Variants in MIER2 observed in about 807,000 individuals in gnomAD.
MIER2 encodes the protein mesoderm induction early response protein 2.
In MIER2, 30 loss-of-function variants were observed where a neutral mutation model predicts 67.6. The ratio of observed to expected loss-of-function variants is 0.44; its 90% CI spans 0.33 to 0.60. The LOEUF is 0.60. Ranked by LOEUF, MIER2 falls within the 20% of genes least tolerant of loss-of-function variation. The pLI is 0.02. For missense variants in MIER2, 702 were observed against 745.1 expected (o/e 0.94, Z 0.67); for synonymous variants, 372 against 312.6 (o/e 1.19, Z -2.00).
chr19:326,584 C>T lies in MIER2; in HGVS notation c.508G>A (p.Asp170Asn), dbSNP rs370003436. ...PNRSGSRFLA[D>N]EDREPGSSAS... ...GAAGAGCCAGGCTCTCTGTCTTCATCAGCCAGGAAACGAGCTTTGGGAAAA... is the reference window on the plus strand; with the variant it reads ...GAAGAGCCAGGCTCTCTGTCTTCATTAGCCAGGAAACGAGCTTTGGGAAAA... Residue 170 changes from aspartate (D) to asparagine (N), a missense_variant, in exon 6 of 14, where the codon GAT (aspartate) becomes AAT (asparagine). Transcript: ENST00000264819. 5 of 1,613,966 alleles carry T rather than the reference C, an allele frequency of 3.1e-6. No homozygotes were observed. The highest frequency in any genetic ancestry group is 2.7e-5 in the African/African-American group (2 of 74,914).
chr19:320,623 C>T (rs1407566051), intron 7 of MIER2, among the ~76,000 whole-genome samples: 1 of 152,106 alleles, frequency 6.6e-6, no homozygotes, highest in African/African-American at 2.4e-5. Flanking sequence ...CTCATAGGAG[C>T]GCAAATCCCA....
chr19:321,967 C>G (rs574206931), intron 7 of MIER2, among the ~76,000 whole-genome samples: 2 of 151,946 alleles, frequency 1.3e-5, no homozygotes, highest in Non-Finnish European at 2.9e-5. Flanking sequence ...TGCAGTGGCG[C>G]GATCTCGGCT....
chr19:321,527 C>T (rs931252418), intron 7 of MIER2, among the ~76,000 whole-genome samples: 1 of 152,132 alleles, frequency 6.6e-6, no homozygotes, highest in East Asian at 1.9e-4. Context: ...TGCCTGTACT[C>T]CCAGTTACTT....
At position 327,175 on chromosome 19, in the gene MIER2, T is replaced by C. The variant is rs769684157; in HGVS notation, c.451A>G (p.Thr151Ala). 2 of 1,589,570 alleles carry C rather than the reference T, an allele frequency of 1.3e-6. No homozygotes were observed. The highest frequency in any genetic ancestry group is 1.2e-5 in the South Asian group (1 of 86,798). The change falls in exon 5 of 14, where the codon ACC becomes GCC. Residue 151 changes from threonine to alanine, a missense_variant. Coordinates refer to ENST00000264819, the MANE Select transcript of MIER2 (RefSeq NM_017550.3). ...SSADDLTPSV[T>A]SHEASDLFPN... ...AAGAGGTCGGAGGCCTCGTGGGAGGTCACGGACGGGGTGAGGTCGTCAGCA... is the reference window on the plus strand; with the variant it reads ...AAGAGGTCGGAGGCCTCGTGGGAGGCCACGGACGGGGTGAGGTCGTCAGCA...
chr19:335,525 A>G (rs1972203984), intron 2 of MIER2, among the ~76,000 whole-genome samples: 1 of 152,148 alleles, frequency 6.6e-6, no homozygotes, highest in Non-Finnish European at 1.5e-5. Context: ...CTAGTTTGAT[A>G]CGGAAAGAGA....
At chr19:340,070 G>A (rs773024158) in intron 1 of MIER2, among the ~76,000 whole-genome samples, 5 of 152,098 alleles carry the variant, frequency 3.3e-5, no homozygotes, top group Non-Finnish European at 7.3e-5. Context: ...ACTTCTTCAC[G>A]GGTCCTCAAG....
intron 3 of MIER2, among the ~76,000 whole-genome samples, chr19:328,242 T>A (rs1355522772): frequency 6.6e-6 from 1 of 152,048 alleles, no homozygotes; most frequent in East Asian, 1.9e-4. Context: ...CTGCCCACAA[T>A]GCCTCCTTGC....
chr19:338,050 T>C (rs1247470549), intron 1 of MIER2, among the ~76,000 whole-genome samples: 2 of 149,408 alleles, frequency 1.3e-5, no homozygotes, highest in African/African-American at 2.5e-5. Flanking sequence ...CGGGCACCTG[T>C]AGTCCCAGTT....
chr19:311,312 G>C (rs767949367), intron 10 of MIER2, among the ~76,000 whole-genome samples: 30 of 152,262 alleles, frequency 2.0e-4, no homozygotes, highest in Non-Finnish European at 4.1e-4. Flanking sequence ...CCACAGGGCA[G>C]AGGGCACTGC....
At chr19:339,401 C>T (rs957662955) in intron 1 of MIER2, among the ~76,000 whole-genome samples, 2 of 152,146 alleles carry the variant, frequency 1.3e-5, no homozygotes, top group Non-Finnish European at 2.9e-5. Flanking sequence ...CACTACGATA[C>T]CACTTCCTAA....
intron 2 of MIER2, 91 bp downstream of exon 2, chr19:335,992 C>A (rs961528275): frequency 7.7e-7 from 1 of 1,296,680 alleles, no homozygotes; most frequent in Non-Finnish European, 1.1e-6. Context: ...GTGTGCCGGT[C>A]CACAGCTCAG....
intron 5 of MIER2, 33 bp downstream of exon 5, chr19:327,100 G>A: frequency 2.6e-6 from 4 of 1,559,120 alleles, no homozygotes; most frequent in Non-Finnish European, 3.4e-6. Flanking sequence ...AGGGGGCCTG[G>A]CTGCGGTGGA....
At chr19:310,813 TAGAAACACGGCCAGGAGTCC>T (rs1041340982) in intron 10 of MIER2, among the ~76,000 whole-genome samples, 66 of 143,158 alleles carry the variant, frequency 4.6e-4, no homozygotes, top group Admixed American at 1.5e-3. Context: ...CCTGGAGCTG[TAGAAACACGGCCAGGAGTCC>T]AGAAACACGG....
intron 4 of MIER2, 118 bp downstream of exon 4, chr19:327,746 C>T: frequency 2.7e-6 from 4 of 1,475,948 alleles, no homozygotes; most frequent in Non-Finnish European, 3.6e-6. Context: ...CAGGTACATT[C>T]TACTTATTCT....
intron 1 of MIER2, 82 bp from the exon 2 acceptor site, chr19:336,255 C>T (rs1057045033): frequency 6.8e-6 from 8 of 1,179,896 alleles, no homozygotes; most frequent in African/African-American, 4.5e-5. Flanking sequence ...CAAGAGCAAG[C>T]GCTGGTCAGA....
chr19:325,571 C>A lies in MIER2; in HGVS notation c.655+64G>T, dbSNP rs1381990359. Reference sequence around the variant, plus strand: ...CTGACCAGACTGTCCAAGGATCTGACGTCCAGCCAGGCCACTCCCCTTGCA... The same window carrying A: ...CTGACCAGACTGTCCAAGGATCTGAAGTCCAGCCAGGCCACTCCCCTTGCA... On this transcript the variant is annotated intron_variant, in intron 7 of 13. Coordinates refer to ENST00000264819, the MANE Select transcript of MIER2 (RefSeq NM_017550.3). 30 of 1,578,106 alleles carry A rather than the reference C, an allele frequency of 1.9e-5. No individual in the cohort carries two copies. The Middle Eastern group carries it at 8.4e-4, about 44-fold the overall frequency.
chr19:317,622 T>C (rs1600130640), intron 7 of MIER2, among the ~76,000 whole-genome samples: 1 of 147,908 alleles, frequency 6.8e-6, no homozygotes, highest in African/African-American at 2.5e-5. Context: ...CCCAGCTACT[T>C]GGGAGGCTAA....
chr19:314,598 GC>G (rs1971153385), intron 7 of MIER2, among the ~76,000 whole-genome samples: 1 of 152,114 alleles, frequency 6.6e-6, no homozygotes, highest in South Asian at 2.1e-4. Flanking sequence ...TTGGTGCTGT[GC>G]CCCACCAAGC....
intron 4 of MIER2, 138 bp downstream of exon 4, chr19:327,726 G>T: frequency 7.3e-7 from 1 of 1,364,836 alleles, no homozygotes; most frequent in Non-Finnish European, 9.8e-7. Context: ...CAACCCCAGG[G>T]TAGTGGTCAC....
Sources: allele counts gnomAD v4.1 joint callset (sites outside exome capture counted in the v4.1 genomes callset), GRCh38; gene constraint gnomAD v4.1.1; transcripts MANE v1.5; gene names NCBI Gene and HGNC (gene_info 2026-07-23, HGNC 2026-07-21).